SCHIP1: variants seen among roughly 807,000 people sequenced by gnomAD.
SCHIP1 encodes the protein schwannomin-interacting protein 1.
SCHIP1 carries 8 observed loss-of-function variants against 29.7 expected under a neutral mutation model. The observed-to-expected ratio is 0.27, with a 90% confidence interval of 0.16 to 0.49. The LOEUF is 0.49. SCHIP1 is among the 20% of genes least tolerant of loss of function. The probability of loss-of-function intolerance (pLI) is 0.99; values close to 1 mark genes in which losing one functional copy is unlikely to be tolerated. For synonymous variants in SCHIP1, 76 were observed against 94.9 expected, an observed-to-expected ratio of 0.80 and a Z score of 1.16; for missense variants, 193 against 294.6, an observed-to-expected ratio of 0.66 and a Z score of 2.52.
At chr3:159,366,579 A>G in the SCHIP1 span, among the ~76,000 whole-genome samples, 1 of 152,204 alleles carries the variant, frequency 6.6e-6, no homozygotes, top group Admixed American at 6.5e-5. Flanking sequence ...TAGAGTAAGC[A>G]TTCAATAAAC....
chr3:159,780,884 A>G, the SCHIP1 span, among the ~76,000 whole-genome samples: 1 of 152,330 alleles, frequency 6.6e-6, no homozygotes, highest in South Asian at 2.1e-4. Context: ...AGCTGCATCC[A>G]CAGGTGTGCC....
chr3:159,316,377 G>A, the SCHIP1 span, among the ~76,000 whole-genome samples: 4 of 152,138 alleles, frequency 2.6e-5, no homozygotes, highest in African/African-American at 9.7e-5. Context: ...TGGGAGGCTA[G>A]GCCCATCTCT....
the SCHIP1 span, among the ~76,000 whole-genome samples, chr3:159,476,563 A>G: frequency 6.6e-6 from 1 of 152,204 alleles, no homozygotes; most frequent in Non-Finnish European, 1.5e-5. Context: ...GTGCACTATG[A>G]ATAGAATACG....
the SCHIP1 span, among the ~76,000 whole-genome samples, chr3:159,384,683 A>G: frequency 0.77 from 116,120 of 150,070 alleles, 45,255 homozygotes; most frequent in Middle Eastern, 0.83. Flanking sequence ...CAGAAGGAAT[A>G]GTACCAGTTC....
At chr3:159,704,908 A>ATTTCTTTCTTTC in the SCHIP1 span, among the ~76,000 whole-genome samples, 7 of 42,560 alleles carry the variant, frequency 1.6e-4, no homozygotes, top group Non-Finnish European at 2.1e-4. Flanking sequence ...TTCTTTCTTT[A>ATTTCTTTCTTTC]TTTCTTTCTT....
At chr3:159,587,992 G>C in the SCHIP1 span, among the ~76,000 whole-genome samples, 276 of 152,244 alleles carry the variant, frequency 1.8e-3, 1 homozygote, top group African/African-American at 6.4e-3. Flanking sequence ...CCAGTAATTG[G>C]ATGGCTGGGT....
chr3:159,618,010 T>A, the SCHIP1 span, among the ~76,000 whole-genome samples: 1 of 152,072 alleles, frequency 6.6e-6, no homozygotes, highest in African/African-American at 2.4e-5. Flanking sequence ...GAAAAAAAAA[T>A]TTAGTGTTTT....
At chr3:159,516,417 T>G in the SCHIP1 span, among the ~76,000 whole-genome samples, 1 of 152,170 alleles carries the variant, frequency 6.6e-6, no homozygotes, top group Non-Finnish European at 1.5e-5. Context: ...CTCTCCAGCC[T>G]TGGAGAATCA....
At chr3:159,428,420 A>G in the SCHIP1 span, among the ~76,000 whole-genome samples, 1,349 of 152,282 alleles carry the variant, frequency 8.9e-3, 18 homozygotes, top group African/African-American at 0.031. Context: ...GAAGACATTA[A>G]TGCAGCCAAA....
chr3:159,819,158 G>T, the SCHIP1 span, among the ~76,000 whole-genome samples: 2 of 152,184 alleles, frequency 1.3e-5, no homozygotes, highest in African/African-American at 2.4e-5. Context: ...CTCTCCGTGG[G>T]CTGTTTGTGT....
the SCHIP1 span, among the ~76,000 whole-genome samples, chr3:159,411,938 C>T: frequency 6.6e-6 from 1 of 152,072 alleles, no homozygotes; most frequent in Non-Finnish European, 1.5e-5. Flanking sequence ...AAGAGAAGAG[C>T]AAAATCAGGC....
intron 2 of SCHIP1, among the ~76,000 whole-genome samples, chr3:159,871,946 C>T (rs746063346): frequency 5.9e-5 from 9 of 152,088 alleles, no homozygotes; most frequent in Non-Finnish European, 1.3e-4. Context: ...TACTTCACTC[C>T]CCTACTTTCA....
At chr3:159,813,371 C>T in the SCHIP1 span, among the ~76,000 whole-genome samples, 1 of 152,120 alleles carries the variant, frequency 6.6e-6, no homozygotes, top group Non-Finnish European at 1.5e-5. Flanking sequence ...TAATTGTATA[C>T]GTCCATAAGT....
chr3:159,751,091 C>T, the SCHIP1 span, among the ~76,000 whole-genome samples: 1 of 152,078 alleles, frequency 6.6e-6, no homozygotes. Context: ...CTCTAATGAT[C>T]GAAGATTCAC....
the SCHIP1 span, among the ~76,000 whole-genome samples, chr3:159,302,195 G>C: frequency 6.6e-6 from 1 of 152,318 alleles, no homozygotes; most frequent in Non-Finnish European, 1.5e-5. Context: ...AATTAAGCCT[G>C]TGATGTCAAG....
the SCHIP1 span, among the ~76,000 whole-genome samples, chr3:159,611,989 T>C: frequency 6.6e-6 from 1 of 152,346 alleles, no homozygotes; most frequent in East Asian, 1.9e-4. Flanking sequence ...TTTATAAAAT[T>C]CATTATTAAT....
chr3:159,276,996 C>T, the SCHIP1 span, among the ~76,000 whole-genome samples: 1 of 152,174 alleles, frequency 6.6e-6, no homozygotes, highest in African/African-American at 2.4e-5. Context: ...TTGGAGTTGA[C>T]TCACTACATC....
the SCHIP1 span, among the ~76,000 whole-genome samples, chr3:159,305,446 G>T: frequency 6.6e-6 from 1 of 152,136 alleles, no homozygotes; most frequent in Non-Finnish European, 1.5e-5. Context: ...TTTAAATCCT[G>T]CCTTTCTTTC....
chr3:159,612,133 A>C, the SCHIP1 span, among the ~76,000 whole-genome samples: 3 of 152,142 alleles, frequency 2.0e-5, no homozygotes, highest in Non-Finnish European at 4.4e-5. Flanking sequence ...AGTTAGGAAA[A>C]AACTGACTCA....
Sources: allele counts gnomAD v4.1 joint callset (sites outside exome capture counted in the v4.1 genomes callset), GRCh38; gene constraint gnomAD v4.1.1; transcripts MANE v1.5; gene names NCBI Gene and HGNC (gene_info 2026-07-23, HGNC 2026-07-21).